Variants in TMEM120B observed in about 807,000 individuals in gnomAD.
TMEM120B encodes transmembrane protein 120B.
A neutral mutation model predicts 55.5 loss-of-function variants in TMEM120B; 31 were observed. That is an observed-to-expected ratio of 0.56 (90% CI 0.42 to 0.75). The LOEUF (loss-of-function observed/expected upper bound fraction) is 0.75. Ranked by LOEUF, TMEM120B falls within the 30% of genes least tolerant of loss-of-function variation. The pLI is 0.00. For synonymous variants in TMEM120B, 203 were observed against 176.3 expected (o/e 1.15, Z -1.20); for missense variants, 399 against 425.5 (o/e 0.94, Z 0.55).
At chr12:121,741,407 A>G (rs1318600684) in intron 1 of TMEM120B, among the ~76,000 whole-genome samples, 1 of 152,094 alleles carries the variant, frequency 6.6e-6, no homozygotes, top group Non-Finnish European at 1.5e-5. Context: ...TCGGCTCACC[A>G]CAACCTGTGC....
chr12:121,740,984 T>A (rs1426421079), intron 1 of TMEM120B, among the ~76,000 whole-genome samples: 1 of 152,168 alleles, frequency 6.6e-6, no homozygotes, highest in East Asian at 1.9e-4. Context: ...CAGGGAATAT[T>A]TGAATGGGTG....
chr12:121,769,354 G>A (rs564134566), intron 6 of TMEM120B, among the ~76,000 whole-genome samples: 10 of 152,076 alleles, frequency 6.6e-5, no homozygotes, highest in African/African-American at 1.2e-4. Flanking sequence ...GAGGTGCCGC[G>A]TGTGGCATCC....
intron 1 of TMEM120B, among the ~76,000 whole-genome samples, chr12:121,731,427 G>A (rs1288920427): frequency 1.3e-5 from 2 of 151,972 alleles, no homozygotes; most frequent in Non-Finnish European, 2.9e-5. Flanking sequence ...AATTTTTGTA[G>A]TATTTTTAGC....
intron 1 of TMEM120B, among the ~76,000 whole-genome samples, chr12:121,735,108 C>T (rs1439263201): frequency 6.6e-6 from 1 of 150,592 alleles, no homozygotes; most frequent in African/African-American, 2.4e-5. Context: ...ATCACTTGAA[C>T]CCAGGAGGCA....
At chr12:121,765,817 G>A (rs1157349181) in intron 6 of TMEM120B, among the ~76,000 whole-genome samples, 1 of 152,140 alleles carries the variant, frequency 6.6e-6, no homozygotes, top group African/African-American at 2.4e-5. Flanking sequence ...GATCCTGGGG[G>A]CAGGCAAGGG....
At chr12:121,719,200 G>C (rs884884) in intron 1 of TMEM120B, among the ~76,000 whole-genome samples, 30,234 of 151,798 alleles carry the variant, frequency 0.2, 3,193 homozygotes, top group East Asian at 0.37. Flanking sequence ...AAACGAGTTG[G>C]GGAGGGATGG....
In TMEM120B at chr12:121,775,719, G is replaced by C. The variant is rs368489242; in HGVS notation, c.1017G>C (p.Pro339=). 1.2e-6 allele frequency: 2 copies of C among 1,613,816 alleles called. No homozygotes were observed. The highest frequency in any genetic ancestry group is 2.2e-5 in the South Asian group (2 of 91,084). ...AGAACAGAGGCAAGACAAAGCAGCC[G>C]TGAGCCTCGGGCTCCTGTGCCCTCG... The part of the protein sequence containing the change: ...LQKNRGKTKQ[P] Residue 339 remains proline (P), a synonymous_variant, in exon 12 of 12, where the codon CCG becomes CCC. Transcript: ENST00000449592. This position sits in a 1 kb window ranked among gnomAD's most constrained non-coding sequence, Gnocchi z 4.3.
At position 121,777,923 on chromosome 12, in the gene TMEM120B, G is replaced by A. The variant is rs1209854513; in HGVS notation, c.*2201G>A. 6.6e-6 allele frequency: 1 copy of A among 152,178 alleles called. No individual in the cohort carries two copies. Among genetic ancestry groups the A allele is most frequent in the Non-Finnish European group, 1.5e-5 (1 of 68,046 alleles). The allele number at this position is 152,178 out of a possible 1,614,324, so 9.4% of individuals were successfully genotyped here. A position where few individuals can be genotyped will look rare whatever the true frequency, so the allele number is the denominator to read the frequency against. On this transcript the variant is annotated 3_prime_UTR_variant, in exon 12 of 12. Transcript: ENST00000449592. ...GTACGGCAGGGCCTTGGGAACCTGG[G>A]TGGGTTGGGGAGGGTCTCAGAAGGC...
chr12:121,752,610 AG>A (rs1446119873), intron 5 of TMEM120B, among the ~76,000 whole-genome samples: 1 of 152,048 alleles, frequency 6.6e-6, no homozygotes, highest in East Asian at 1.9e-4. Flanking sequence ...AAAATTAGCC[AG>A]GCATGGTGGA....
chr12:121,754,329 C>G (rs1206688166), intron 5 of TMEM120B, among the ~76,000 whole-genome samples: 2 of 152,212 alleles, frequency 1.3e-5, no homozygotes, highest in Non-Finnish European at 2.9e-5. Context: ...GAAGGCAAAC[C>G]CTTGCTGTCC....
chr12:121,734,057 G>T (rs146831269), intron 1 of TMEM120B, among the ~76,000 whole-genome samples: 334 of 152,216 alleles, frequency 2.2e-3, no homozygotes, highest in African/African-American at 7.6e-3. Flanking sequence ...GGGCGGCGTG[G>T]CCCAGGGTGA....
intron 5 of TMEM120B, among the ~76,000 whole-genome samples, chr12:121,760,675 G>A (rs1003396043): frequency 3.9e-5 from 6 of 152,186 alleles, no homozygotes; most frequent in Non-Finnish European, 8.8e-5. Context: ...CCAGCTTCAT[G>A]TTTTTCCTAT....
chr12:121,770,416 C>CT (rs778709183), intron 6 of TMEM120B, among the ~76,000 whole-genome samples: 8 of 152,154 alleles, frequency 5.3e-5, no homozygotes, highest in Non-Finnish European at 1.0e-4. Context: ...TTCTAAGGTG[C>CT]TGGGGGGCTC....
intron 1 of TMEM120B, among the ~76,000 whole-genome samples, chr12:121,726,796 A>G (rs1320768050): frequency 6.7e-6 from 1 of 150,022 alleles, no homozygotes; most frequent in Non-Finnish European, 1.5e-5. Context: ...AATCCCAGCT[A>G]CTTGGGAGGC....
chr12:121,725,074 T>G (rs1566506928), intron 1 of TMEM120B, among the ~76,000 whole-genome samples: 1 of 152,220 alleles, frequency 6.6e-6, no homozygotes, highest in Non-Finnish European at 1.5e-5. Context: ...GATTCCTTAC[T>G]GCCAATGTTT....
At chr12:121,742,304 G>C (rs1349632591) in intron 1 of TMEM120B, among the ~76,000 whole-genome samples, 1 of 151,964 alleles carries the variant, frequency 6.6e-6, no homozygotes, top group Non-Finnish European at 1.5e-5. Context: ...TGCCCGGCCT[G>C]ACTTAATTTT....
intron 1 of TMEM120B, among the ~76,000 whole-genome samples, chr12:121,742,540 T>C (rs1023610751): frequency 6.6e-6 from 1 of 152,216 alleles, no homozygotes; most frequent in African/African-American, 2.4e-5. Context: ...ATCATTCTAA[T>C]TTTGGTACAT....
intron 1 of TMEM120B, among the ~76,000 whole-genome samples, chr12:121,723,923 C>T (rs566218545): frequency 2.0e-5 from 3 of 151,886 alleles, no homozygotes; most frequent in African/African-American, 4.8e-5. Flanking sequence ...GTCTCAGTCT[C>T]GCAAGTAGCT....
chr12:121,765,729 C>T (rs1873825728), intron 6 of TMEM120B, among the ~76,000 whole-genome samples: 1 of 152,216 alleles, frequency 6.6e-6, no homozygotes, highest in African/African-American at 2.4e-5. Context: ...ATCCGAGTGA[C>T]TCATACTTGT....
Sources: gnomAD v4.1 joint callset for allele counts (sites outside exome capture counted in the v4.1 genomes callset) on GRCh38, gnomAD v4.1.1 for gene constraint, Gnocchi (gnomAD v3.1) non-coding constraint, MANE v1.5 for transcripts, NCBI Gene and HGNC (gene_info 2026-07-23, HGNC 2026-07-21) for gene names.